Variants in RALYL observed in about 807,000 individuals in gnomAD.
RALYL encodes the protein RALY RNA binding protein like, also known as RNA-binding Raly-like protein.
RALYL carries 29 observed loss-of-function variants against 35.1 expected under a neutral mutation model. The observed-to-expected ratio is 0.83, with a 90% CI of 0.61 to 1.13. RALYL has a LOEUF of 1.13. Among genes scored for constraint, RALYL ranks in the 50% most tolerant of loss-of-function variants. The probability of loss-of-function intolerance (pLI) is 0.00; values close to 1 mark genes in which losing one functional copy is unlikely to be tolerated. For synonymous variants in RALYL, 120 were observed against 127.6 expected, an observed-to-expected ratio of 0.94 and a Z score of 0.40; for missense variants, 359 against 360.4, an observed-to-expected ratio of 1.00 and a Z score of 0.03.
At chr8:84,251,246 T>C (rs896028337) in intron 1 of RALYL, among the ~76,000 whole-genome samples, 1 of 152,154 alleles carries the variant, frequency 6.6e-6, no homozygotes, top group African/African-American at 2.4e-5. Context: ...TTGTGAAATG[T>C]AGACCTCAGA....
intron 1 of RALYL, among the ~76,000 whole-genome samples, chr8:84,405,290 A>G (rs2043354475): frequency 6.6e-6 from 1 of 152,148 alleles, no homozygotes; most frequent in Non-Finnish European, 1.5e-5. Flanking sequence ...CACCATAACA[A>G]TTGAAAGAAC....
At chr8:84,838,295 T>C (rs936813502) in intron 4 of RALYL, among the ~76,000 whole-genome samples, 4 of 152,080 alleles carry the variant, frequency 2.6e-5, no homozygotes, top group Admixed American at 6.6e-5. Flanking sequence ...AGAGATAGAA[T>C]CTGGAAAGAG....
At chr8:84,515,911 A>G (rs1467127721) in intron 1 of RALYL, among the ~76,000 whole-genome samples, 3 of 152,040 alleles carry the variant, frequency 2.0e-5, no homozygotes, top group Admixed American at 6.6e-5. Flanking sequence ...TATGATTATT[A>G]AAGGCAATGG....
intron 1 of RALYL, among the ~76,000 whole-genome samples, chr8:84,256,382 G>A (rs1467433523): frequency 6.6e-6 from 1 of 151,946 alleles, no homozygotes; most frequent in Non-Finnish European, 1.5e-5. Flanking sequence ...ATTAATTCAA[G>A]TTGTGTTCTT....
intron 1 of RALYL, among the ~76,000 whole-genome samples, chr8:84,399,945 T>A (rs2042724906): frequency 6.6e-6 from 1 of 152,160 alleles, no homozygotes; most frequent in African/African-American, 2.4e-5. Flanking sequence ...GGCGAAACCC[T>A]GTCTCTACTA....
chr8:84,816,895 C>G (rs1392169580), intron 4 of RALYL, among the ~76,000 whole-genome samples: 1 of 151,906 alleles, frequency 6.6e-6, no homozygotes, highest in African/African-American at 2.4e-5. Context: ...TATATGCCTA[C>G]TATGCACCCA....
rs2058243402 is a variant in RALYL, at chr8:84,518,727, C to G, written c.-23-10572C>G. Among the ~76,000 whole-genome samples, 4 of 152,100 alleles carry G rather than the reference C, an allele frequency of 2.6e-5. No homozygotes were observed. The South Asian group carries it at 6.2e-4, about 24-fold the overall frequency. ...GGATTTAAGACCTTTCACTTTAGGG[C>G]CAGTCTTCCAAAGCTGCATCAGTAA... is the stretch of plus-strand genomic sequence containing the variant. On this transcript the variant is annotated intron_variant, in intron 1 of 8. Coordinates refer to ENST00000521268, the MANE Select transcript of RALYL (RefSeq NM_173848.7).
intron 1 of RALYL, among the ~76,000 whole-genome samples, chr8:84,391,855 G>A (rs1860774498): frequency 6.6e-6 from 1 of 152,002 alleles, no homozygotes; most frequent in Admixed American, 6.6e-5. Context: ...CCAACAAACA[G>A]TGACTTCTGC....
intron 2 of RALYL, among the ~76,000 whole-genome samples, chr8:84,548,430 A>T (rs2060503619): frequency 6.6e-6 from 1 of 152,012 alleles, no homozygotes; most frequent in African/African-American, 2.4e-5. Flanking sequence ...TTTCCTTAAA[A>T]GTTTTAGCAC....
intron 4 of RALYL, among the ~76,000 whole-genome samples, chr8:84,818,445 A>C (rs1356278049): frequency 6.6e-6 from 1 of 152,198 alleles, no homozygotes; most frequent in South Asian, 2.1e-4. Flanking sequence ...TGAGGTAAGA[A>C]TTCAATAAGG....
chr8:84,256,536 C>A (rs2131745248), intron 1 of RALYL, among the ~76,000 whole-genome samples: 1 of 152,110 alleles, frequency 6.6e-6, no homozygotes, highest in Middle Eastern at 3.4e-3. Flanking sequence ...ACTTGATGTC[C>A]TTATCTTGGC....
At chr8:84,565,459 A>G (rs1392942128) in intron 2 of RALYL, among the ~76,000 whole-genome samples, 1 of 151,608 alleles carries the variant, frequency 6.6e-6, no homozygotes, top group Non-Finnish European at 1.5e-5. Context: ...GAGAATTCCT[A>G]TAATTAAATA....
chr8:84,254,790 G>T (rs1481610844), intron 1 of RALYL, among the ~76,000 whole-genome samples: 3 of 148,770 alleles, frequency 2.0e-5, no homozygotes, highest in Non-Finnish European at 4.4e-5. Context: ...GCTCACCATG[G>T]CTGGGGAAGC....
intron 1 of RALYL, among the ~76,000 whole-genome samples, chr8:84,311,962 C>G (rs903323787): frequency 2.0e-5 from 3 of 152,092 alleles, no homozygotes; most frequent in Non-Finnish European, 2.9e-5. Flanking sequence ...GTGTATTAGT[C>G]CATTCTCACA....
chr8:84,527,483 C>T (rs2058986382), intron 1 of RALYL, among the ~76,000 whole-genome samples: 1 of 152,090 alleles, frequency 6.6e-6, no homozygotes, highest in Non-Finnish European at 1.5e-5. Flanking sequence ...GAATTGTTTA[C>T]CCTTGAAAAT....
intron 1 of RALYL, among the ~76,000 whole-genome samples, chr8:84,426,028 C>T (rs1401442873): frequency 1.3e-5 from 2 of 152,046 alleles, no homozygotes; most frequent in Non-Finnish European, 2.9e-5. Flanking sequence ...AAATCTCTCT[C>T]ATATCTCCTT....
chr8:84,394,399 A>G (rs1362827007), intron 1 of RALYL, among the ~76,000 whole-genome samples: 1 of 151,920 alleles, frequency 6.6e-6, no homozygotes, highest in Non-Finnish European at 1.5e-5. Flanking sequence ...AGCAGCAAAT[A>G]TTATTAAACA....
chr8:84,414,296 G>A (rs1270239394), intron 1 of RALYL, among the ~76,000 whole-genome samples: 1 of 152,042 alleles, frequency 6.6e-6, no homozygotes, highest in East Asian at 1.9e-4. Context: ...GCCTCCTCCT[G>A]ATGTCATTCT....
At chr8:84,879,885 T>G (rs2135340820) in intron 7 of RALYL, among the ~76,000 whole-genome samples, 1 of 152,202 alleles carries the variant, frequency 6.6e-6, no homozygotes, top group African/African-American at 2.4e-5. Flanking sequence ...GGACACTTAC[T>G]AAAAGCAGCA....
Sources: gnomAD v4.1 joint callset for allele counts (sites outside exome capture counted in the v4.1 genomes callset) on GRCh38, gnomAD v4.1.1 for gene constraint, MANE v1.5 for transcripts, NCBI Gene and HGNC (gene_info 2026-07-23, HGNC 2026-07-21) for gene names.